CDCA7L: variants seen among roughly 807,000 people sequenced by gnomAD.
CDCA7L encodes cell division cycle-associated 7-like protein.
CDCA7L carries 44 observed loss-of-function variants against 57.4 expected under a neutral mutation model. The ratio of observed to expected loss-of-function variants is 0.77; its 90% CI spans 0.60 to 0.98. CDCA7L has a LOEUF of 0.98. Ranked by LOEUF, CDCA7L falls within the 50% of genes least tolerant of loss-of-function variation. The probability of loss-of-function intolerance (pLI) is 0.00; values close to 1 mark genes in which losing one functional copy is unlikely to be tolerated. For synonymous variants in CDCA7L, 236 were observed against 202.8 expected (o/e 1.16, Z -1.39); for missense variants, 644 against 580.6 (o/e 1.11, Z -1.12).
chr7:21,919,028 G>A (rs1190795619), intron 1 of CDCA7L, among the ~76,000 whole-genome samples: 1 of 151,890 alleles, frequency 6.6e-6, no homozygotes, highest in Non-Finnish European at 1.5e-5. Flanking sequence ...ATGTTACCCA[G>A]GCTGGTCTCA....
At chr7:21,902,711 C>A in intron 9 of CDCA7L, 1 of 489,462 alleles carries the variant, frequency 2.0e-6, no homozygotes, top group Non-Finnish European at 3.6e-6. Flanking sequence ...TTTGTTCCTT[C>A]CATTTCTGTC....
intron 1 of CDCA7L, among the ~76,000 whole-genome samples, chr7:21,936,809 T>C (rs2128069775): frequency 6.6e-6 from 1 of 152,296 alleles, no homozygotes; most frequent in African/African-American, 2.4e-5. Flanking sequence ...TTGGGAGGTC[T>C]AGCCAGACCA....
intron 1 of CDCA7L, among the ~76,000 whole-genome samples, chr7:21,931,000 A>G (rs1785992416): frequency 1.3e-5 from 2 of 152,214 alleles, no homozygotes; most frequent in Admixed American, 6.5e-5. Flanking sequence ...TACTATAAAC[A>G]GCTCTACACA....
At chr7:21,937,131 C>G (rs991929307) in intron 1 of CDCA7L, among the ~76,000 whole-genome samples, 1 of 152,042 alleles carries the variant, frequency 6.6e-6, no homozygotes, top group South Asian at 2.1e-4. Context: ...ACTACATCCC[C>G]GAAAAAATCA....
chr7:21,945,462 G>A (rs769814651), intron 1 of CDCA7L, among the ~76,000 whole-genome samples: 13 of 151,674 alleles, frequency 8.6e-5, no homozygotes, highest in Non-Finnish European at 1.6e-4. Context: ...CCCGTCTCAC[G>A]AGGGCTGCAA....
At position 21,905,624 on chromosome 7, in the gene CDCA7L, C is replaced by T; in HGVS notation, c.929G>A (p.Cys310Tyr). 6.2e-7 allele frequency: 1 copy of T among 1,613,770 alleles called. No individual in the cohort carries two copies. The highest frequency in any genetic ancestry group is 8.5e-7 in the Non-Finnish European group (1 of 1,179,970). Reference protein sequence around the residue: ...FRRRKTIGGKCREYRRRHRIS... With the variant: ...FRRRKTIGGKYREYRRRHRIS... ...ACGGTGACGTCGTCTGTACTCCCGG[C>T]ATTTCCCCTGCACAATGAACACAAG... Residue 310 changes from cysteine to tyrosine, a missense_variant, in exon 7 of 10, where the codon TGC (cysteine) becomes TAC (tyrosine). By Grantham distance (194) the Cys-to-Tyr change is radical (BLOSUM62 -2). Transcript: ENST00000406877.
At position 21,901,998 on chromosome 7, in the gene CDCA7L, A is replaced by ATACAATGTTTTCTCTCTAACT; in HGVS notation, c.*303_*323dup. ...GATAGATCAAGTGCAGGAGCTGATC[A>ATACAATGTTTTCTCTCTAACT]TACAATGTTTTCTCTCTAACTTACT... On this transcript the variant is annotated 3_prime_UTR_variant, in exon 10 of 10. Transcript: ENST00000406877. 2.9e-6 allele frequency: 1 copy of ATACAATGTTTTCTCTCTAACT among 342,970 alleles called. No individual in the cohort carries two copies. The highest frequency in any genetic ancestry group is 5.5e-6 in the Non-Finnish European group (1 of 182,564). The allele number at this position is 342,970 out of a possible 1,614,324, so 21.2% of individuals were successfully genotyped here.
chr7:21,937,543 C>T (rs1205863130), intron 1 of CDCA7L, among the ~76,000 whole-genome samples: 1 of 151,620 alleles, frequency 6.6e-6, no homozygotes, highest in Non-Finnish European at 1.5e-5. Flanking sequence ...GAGGCTGAGG[C>T]AGGAGAATTG....
At chr7:21,913,908 G>A (rs1314318036) in intron 2 of CDCA7L, among the ~76,000 whole-genome samples, 1 of 152,140 alleles carries the variant, frequency 6.6e-6, no homozygotes, top group Non-Finnish European at 1.5e-5. Flanking sequence ...TTTTCCATGT[G>A]GGTCTGTATG....
intron 1 of CDCA7L, among the ~76,000 whole-genome samples, chr7:21,935,065 T>C (rs1434925646): frequency 6.6e-6 from 1 of 152,112 alleles, no homozygotes; most frequent in African/African-American, 2.4e-5. Flanking sequence ...CTAAAACTAA[T>C]AGCACTCAAC....
chr7:21,905,490 T>G lies in CDCA7L; in HGVS notation c.1047+16A>C, dbSNP rs1217315552. On this transcript the variant is annotated intron_variant, in intron 7 of 9. Coordinates refer to ENST00000406877, the MANE Select transcript of CDCA7L (RefSeq NM_018719.5). ...CTTCGACTCCCAATAAGAATGACAA[T>G]TAATGTATACTTTACCAGAACTTTA... 9 of 1,612,368 alleles carry G rather than the reference T, an allele frequency of 5.6e-6. No individual in the cohort carries two copies. Among genetic ancestry groups the G allele is most frequent in the Non-Finnish European group, 7.6e-6 (9 of 1,178,970 alleles).
At chr7:21,918,910 A>G (rs1422233832) in intron 1 of CDCA7L, among the ~76,000 whole-genome samples, 5 of 152,218 alleles carry the variant, frequency 3.3e-5, no homozygotes, top group Non-Finnish European at 5.9e-5. Flanking sequence ...GCAGAGTGAG[A>G]CTTGAGATTC....
chr7:21,912,800 G>A (rs951336098), intron 2 of CDCA7L, among the ~76,000 whole-genome samples: 1 of 152,200 alleles, frequency 6.6e-6, no homozygotes, highest in African/African-American at 2.4e-5. Flanking sequence ...TGGCTAGGTG[G>A]CAAGTGAGCA....
chr7:21,944,549 T>C (rs1405057436), intron 1 of CDCA7L: 1 of 152,040 alleles, frequency 6.6e-6, no homozygotes, highest in East Asian at 1.9e-4. Flanking sequence ...CTTTACTGTT[T>C]CCCTTGCTTT....
intron 1 of CDCA7L, among the ~76,000 whole-genome samples, chr7:21,936,446 G>C (rs931009056): frequency 6.6e-6 from 1 of 152,026 alleles, no homozygotes; most frequent in African/African-American, 2.4e-5. Context: ...AAACAAATTC[G>C]GCAGTGTAGC....
chr7:21,903,802 C>A (rs1196778732), intron 8 of CDCA7L: 2 of 239,536 alleles, frequency 8.3e-6, no homozygotes, highest in Non-Finnish European at 1.6e-5. Flanking sequence ...CAAAACAAAT[C>A]AGAGGGAAAT....
chr7:21,902,380 AAAGTAGTACAAATACAC>A, intron 9 of CDCA7L, 28 bp from the exon 10 acceptor site: 9 of 1,604,734 alleles, frequency 5.6e-6, no homozygotes, highest in Non-Finnish European at 7.7e-6. Context: ...AGTATTTGGT[AAAGTAGTACAAATACAC>A]AAATGGCATT....
At chr7:21,921,102 C>G (rs1214073648) in intron 1 of CDCA7L, among the ~76,000 whole-genome samples, 1 of 152,146 alleles carries the variant, frequency 6.6e-6, no homozygotes, top group African/African-American at 2.4e-5. Context: ...AGTCCCTGTG[C>G]TATTGTGTTC....
intron 1 of CDCA7L, among the ~76,000 whole-genome samples, chr7:21,923,995 A>G (rs6461618): frequency 0.98 from 150,011 of 152,364 alleles, 73,880 homozygotes; most frequent in East Asian, 1. Context: ...TAAAAAGATC[A>G]TCAAACTGTC....
Sources: allele counts gnomAD v4.1 joint callset (sites outside exome capture counted in the v4.1 genomes callset), GRCh38; gene constraint gnomAD v4.1.1; transcripts MANE v1.5; gene names NCBI Gene and HGNC (gene_info 2026-07-23, HGNC 2026-07-21).